Variants in LHFPL3 observed in about 807,000 individuals in gnomAD.
LHFPL3 encodes the protein LHFPL tetraspan subfamily member 3.
Under a neutral mutation model 19.3 loss-of-function variants are expected in LHFPL3, and 5 were observed. The observed-to-expected ratio is 0.26, with a 90% CI of 0.14 to 0.54. The LOEUF (loss-of-function observed/expected upper bound fraction) is 0.54. LHFPL3 is among the 20% of genes least tolerant of loss of function. The pLI, the probability that LHFPL3 is intolerant of heterozygous loss-of-function variation, is 0.94. For missense variants in LHFPL3, 249 were observed against 307.4 expected (o/e 0.81, Z 1.42); for synonymous variants, 133 against 126.2 (o/e 1.05, Z -0.36).
At chr7:104,795,256 A>G (rs181508662) in intron 2 of LHFPL3, among the ~76,000 whole-genome samples, 3 of 152,310 alleles carry the variant, frequency 2.0e-5, no homozygotes, top group Admixed American at 2.0e-4. Context: ...GAAATGAAGG[A>G]AATGCACATC....
chr7:104,474,997 A>G (rs569649875), intron 1 of LHFPL3, among the ~76,000 whole-genome samples: 1 of 152,334 alleles, frequency 6.6e-6, no homozygotes, highest in Admixed American at 6.5e-5. Flanking sequence ...CTTGCAAAGA[A>G]GACTGTACTT....
At chr7:104,825,161 GAGGACCATAGA>G (rs1790792906) in intron 2 of LHFPL3, among the ~76,000 whole-genome samples, 1 of 151,466 alleles carries the variant, frequency 6.6e-6, no homozygotes, top group South Asian at 2.1e-4. Flanking sequence ...ATAAAGATAG[GAGGACCATAGA>G]AGGAACTGGG....
chr7:104,807,486 C>T (rs779423809), intron 2 of LHFPL3, among the ~76,000 whole-genome samples: 4 of 152,288 alleles, frequency 2.6e-5, no homozygotes, highest in South Asian at 4.2e-4. Flanking sequence ...AAAATGTATA[C>T]GACTCCAACT....
intron 1 of LHFPL3, among the ~76,000 whole-genome samples, chr7:104,483,236 A>G (rs1324074664): frequency 6.6e-6 from 1 of 152,352 alleles, no homozygotes; most frequent in South Asian, 2.1e-4. Flanking sequence ...TTGCAGGATC[A>G]GTTTCATTCC....
chr7:104,443,218 G>C (rs1362850887), intron 1 of LHFPL3, among the ~76,000 whole-genome samples: 2 of 152,164 alleles, frequency 1.3e-5, no homozygotes, highest in Non-Finnish European at 2.9e-5. Flanking sequence ...CCCTAAGCCT[G>C]TCTCCAAAGT....
intron 1 of LHFPL3, among the ~76,000 whole-genome samples, chr7:104,613,587 T>G (rs998129006): frequency 6.6e-6 from 1 of 152,124 alleles, no homozygotes; most frequent in Non-Finnish European, 1.5e-5. Context: ...CTCAACCTAA[T>G]TCCGCAACAC....
intron 1 of LHFPL3, among the ~76,000 whole-genome samples, chr7:104,459,483 C>T (rs17137758): frequency 0.034 from 5,175 of 152,204 alleles, 258 homozygotes; most frequent in East Asian, 0.13. Context: ...AAATTGATGG[C>T]GCAAACTGCT....
At chr7:104,401,802 T>C (rs879644606) in intron 1 of LHFPL3, among the ~76,000 whole-genome samples, 2 of 152,240 alleles carry the variant, frequency 1.3e-5, no homozygotes, top group Non-Finnish European at 2.9e-5. Flanking sequence ...GTTTTTGCCA[T>C]TGATGTTTGA....
intron 1 of LHFPL3, among the ~76,000 whole-genome samples, chr7:104,554,764 T>G (rs1052860441): frequency 5.3e-5 from 8 of 152,140 alleles, no homozygotes; most frequent in African/African-American, 1.9e-4. Context: ...AGTCCCACAA[T>G]AGGCTGTCTG....
chr7:104,905,568 T>C, intron 2 of LHFPL3, among the ~76,000 whole-genome samples: 1 of 152,104 alleles, frequency 6.6e-6, no homozygotes, highest in Middle Eastern at 3.4e-3. Context: ...TATTATAAAT[T>C]AAGTAAATAA....
chr7:104,480,840 G>C (rs567942742), intron 1 of LHFPL3, among the ~76,000 whole-genome samples: 1 of 152,116 alleles, frequency 6.6e-6, no homozygotes, highest in Non-Finnish European at 1.5e-5. Flanking sequence ...GTAGGTATTC[G>C]CTGCTGACCT....
At chr7:104,869,238 T>C in intron 2 of LHFPL3, among the ~76,000 whole-genome samples, 1 of 152,210 alleles carries the variant, frequency 6.6e-6, no homozygotes, top group East Asian at 1.9e-4. Flanking sequence ...AATTGACAAA[T>C]GGAATCTAAT....
At chr7:104,549,289 C>G (rs970582621) in intron 1 of LHFPL3, among the ~76,000 whole-genome samples, 1 of 148,532 alleles carries the variant, frequency 6.7e-6, no homozygotes, top group Non-Finnish European at 1.5e-5. Context: ...TATGTTCTCA[C>G]GACAATCTGA....
chr7:104,897,047 C>CT (rs2116718767), intron 2 of LHFPL3, among the ~76,000 whole-genome samples: 1 of 151,506 alleles, frequency 6.6e-6, no homozygotes, highest in East Asian at 1.9e-4. Flanking sequence ...GATTGCACCA[C>CT]TGCACTCCAG....
chr7:104,524,658 A>T (rs1794149168), intron 1 of LHFPL3, among the ~76,000 whole-genome samples: 1 of 152,152 alleles, frequency 6.6e-6, no homozygotes, highest in Non-Finnish European at 1.5e-5. Flanking sequence ...TCTTATCCAC[A>T]AAAAAGAAGT....
chr7:104,491,954 C>T (rs1301452589), intron 1 of LHFPL3, among the ~76,000 whole-genome samples: 1 of 152,164 alleles, frequency 6.6e-6, no homozygotes, highest in Non-Finnish European at 1.5e-5. Context: ...TTTAAAACAA[C>T]TATTCCTCAT....
intron 1 of LHFPL3, among the ~76,000 whole-genome samples, chr7:104,491,772 G>A (rs1369510818): frequency 6.6e-6 from 1 of 152,174 alleles, no homozygotes; most frequent in Non-Finnish European, 1.5e-5. Flanking sequence ...TTCTATTGTA[G>A]TCAATGTCTA....
chr7:104,478,360 A>T (rs2115646229), intron 1 of LHFPL3, among the ~76,000 whole-genome samples: 1 of 152,212 alleles, frequency 6.6e-6, no homozygotes, highest in Non-Finnish European at 1.5e-5. Flanking sequence ...CTGAATGAGT[A>T]AGAGCCAAGG....
At chr7:104,662,603 G>A (rs762901881) in intron 1 of LHFPL3, among the ~76,000 whole-genome samples, 28 of 152,172 alleles carry the variant, frequency 1.8e-4, no homozygotes, top group African/African-American at 6.3e-4. Flanking sequence ...GCACTTAATA[G>A]AATGTTTATT....
Sources: gnomAD v4.1 joint callset for allele counts (sites outside exome capture counted in the v4.1 genomes callset) on GRCh38, gnomAD v4.1.1 for gene constraint, MANE v1.5 for transcripts, NCBI Gene and HGNC (gene_info 2026-07-23, HGNC 2026-07-21) for gene names.